The following TANC2 variants were observed in gnomAD, a reference collection of about 807,000 sequenced individuals.
TANC2 encodes protein TANC2.
TANC2 carries 26 observed loss-of-function variants against 210.5 expected under a neutral mutation model. The observed-to-expected ratio is 0.12, with a 90% confidence interval of 0.09 to 0.17. The LOEUF is 0.17. Among genes scored for constraint, TANC2 ranks in the 10% least tolerant of loss-of-function variants. The probability of loss-of-function intolerance (pLI) is 1.00; values close to 1 mark genes in which losing one functional copy is unlikely to be tolerated. For missense variants in TANC2, 2,129 were observed against 2,608.9 expected, an observed-to-expected ratio of 0.82 and a Z score of 4.01; for synonymous variants, 931 against 967.1, an observed-to-expected ratio of 0.96 and a Z score of 0.69.
chr17:63,419,914 G>A (rs1385751772), intron 27 of TANC2, 85 bp from the exon 28 acceptor site: 3 of 1,431,770 alleles, frequency 2.1e-6, no homozygotes, highest in Non-Finnish European at 2.8e-6. Context: ...ACAGCTCTCT[G>A]AGATAGTGAC....
intron 2 of TANC2, among the ~76,000 whole-genome samples, chr17:63,036,484 C>T (rs1355953228): frequency 6.6e-5 from 10 of 152,102 alleles, no homozygotes; most frequent in Admixed American, 5.9e-4. Context: ...TATTCTTTTG[C>T]CAGTACTGCA....
chr17:62,993,057 T>C (rs935960180), intron 1 of TANC2, among the ~76,000 whole-genome samples: 18 of 152,228 alleles, frequency 1.2e-4, no homozygotes, highest in African/African-American at 3.9e-4. Context: ...GGTCATCACA[T>C]CTCCTCTTCT....
chr17:63,338,555 C>G (rs1287787628), intron 11 of TANC2, among the ~76,000 whole-genome samples: 2 of 152,174 alleles, frequency 1.3e-5, no homozygotes, highest in African/African-American at 2.4e-5. Flanking sequence ...CCCATGTAGA[C>G]CTAACCACTG....
intron 9 of TANC2, among the ~76,000 whole-genome samples, chr17:63,297,414 A>T (rs1337884582): frequency 6.6e-6 from 1 of 152,118 alleles, no homozygotes; most frequent in Non-Finnish European, 1.5e-5. Context: ...TAAACCCCAT[A>T]CATCTATAGC....
intron 2 of TANC2, among the ~76,000 whole-genome samples, chr17:63,066,813 G>A (rs1473684822): frequency 1.3e-5 from 2 of 151,732 alleles, no homozygotes; most frequent in Non-Finnish European, 2.9e-5. Context: ...TACATGCAGA[G>A]CAAGGTTACT....
chr17:63,118,818 C>T (rs952116334), intron 4 of TANC2, among the ~76,000 whole-genome samples: 2 of 140,660 alleles, frequency 1.4e-5, no homozygotes, highest in Admixed American at 7.5e-5. Context: ...CTCGCTCTGT[C>T]GCCCAGGCTG....
chr17:63,269,047 G>A (rs1418148988), intron 9 of TANC2, among the ~76,000 whole-genome samples: 1 of 152,046 alleles, frequency 6.6e-6, no homozygotes, highest in African/African-American at 2.4e-5. Flanking sequence ...GCAGTATAGT[G>A]CCACGTGCAC....
chr17:63,001,827 T>C (rs1345306578), intron 1 of TANC2, among the ~76,000 whole-genome samples: 1 of 152,168 alleles, frequency 6.6e-6, no homozygotes, highest in East Asian at 1.9e-4. Flanking sequence ...AGATTACAGG[T>C]ATAAGCCACT....
intron 2 of TANC2, among the ~76,000 whole-genome samples, chr17:63,024,669 T>C (rs1291456654): frequency 6.6e-6 from 1 of 152,216 alleles, no homozygotes; most frequent in Non-Finnish European, 1.5e-5. Flanking sequence ...GTTCTGTATT[T>C]CACAGAGGAA....
chr17:63,313,390 C>A (rs1221292679), intron 9 of TANC2: 1 of 152,132 alleles, frequency 6.6e-6, no homozygotes, highest in Non-Finnish European at 1.5e-5. Context: ...CAGATATGGA[C>A]CATCAGGCAG....
At chr17:63,082,658 G>A (rs1246961693) in intron 3 of TANC2, among the ~76,000 whole-genome samples, 1 of 152,072 alleles carries the variant, frequency 6.6e-6, no homozygotes, top group Non-Finnish European at 1.5e-5. Context: ...CCTGTCCCCC[G>A]GCACATGTAT....
At chr17:63,139,114 CTGTTCATA>C (rs1223898997) in intron 4 of TANC2, among the ~76,000 whole-genome samples, 1 of 152,210 alleles carries the variant, frequency 6.6e-6, no homozygotes, top group Non-Finnish European at 1.5e-5. Context: ...ATAATTATGT[CTGTTCATA>C]TGAGAAGTCT....
intron 4 of TANC2, among the ~76,000 whole-genome samples, chr17:63,122,084 C>T (rs1348051204): frequency 3.9e-5 from 6 of 152,052 alleles, no homozygotes; most frequent in Non-Finnish European, 5.9e-5. Flanking sequence ...AAGGCTTACT[C>T]AGTTCAAAAA....
chr17:63,200,127 G>A (rs934769984), intron 6 of TANC2, among the ~76,000 whole-genome samples: 25 of 151,940 alleles, frequency 1.6e-4, no homozygotes, highest in African/African-American at 4.6e-4. Context: ...AGGTTGAGGC[G>A]GGTGGATCAC....
At chr17:63,128,486 A>C (rs1045484920) in intron 4 of TANC2, among the ~76,000 whole-genome samples, 28 of 152,210 alleles carry the variant, frequency 1.8e-4, no homozygotes, top group Admixed American at 1.6e-3. Flanking sequence ...AATTGACTAG[A>C]TTATACATTT....
intron 1 of TANC2, among the ~76,000 whole-genome samples, chr17:62,980,615 C>T (rs568073676): frequency 2.0e-5 from 3 of 152,256 alleles, no homozygotes; most frequent in Admixed American, 2.0e-4. Flanking sequence ...CTTAGCCATT[C>T]AACTCTGTGG....
intron 4 of TANC2, chr17:63,148,548 A>G (rs980835281): frequency 2.6e-5 from 4 of 152,114 alleles, no homozygotes; most frequent in African/African-American, 9.7e-5. Context: ...AGATTCTGTA[A>G]CTCAAGTCAT....
chr17:63,237,698 C>A, intron 7 of TANC2, 116 bp from the exon 8 acceptor site: 1 of 1,075,882 alleles, frequency 9.3e-7, no homozygotes, highest in Non-Finnish European at 1.3e-6. Context: ...GTTTTTCTAG[C>A]ACCATTTTTT....
chr17:63,179,623 G>A (rs2040710193), intron 5 of TANC2, among the ~76,000 whole-genome samples: 1 of 152,010 alleles, frequency 6.6e-6, no homozygotes. Context: ...TTAATCAGTT[G>A]TGATCAAGTC....
Sources: allele counts gnomAD v4.1 joint callset (sites outside exome capture counted in the v4.1 genomes callset), GRCh38; gene constraint gnomAD v4.1.1; transcripts MANE v1.5; gene names NCBI Gene and HGNC (gene_info 2026-07-23, HGNC 2026-07-21).